The following XG variants were observed in gnomAD, a reference collection of about 807,000 sequenced individuals.
XG encodes Xg glycoprotein (Xg blood group), also known as glycoprotein Xg.
In XG, 24 loss-of-function variants were observed where a neutral mutation model predicts 25.7. The observed-to-expected ratio is 0.93, with a 90% confidence interval of 0.68 to 1.31. XG has a LOEUF of 1.31. Among genes scored for constraint, XG ranks in the 40% most tolerant of loss-of-function variants. XG has a pLI of 0.00. For synonymous variants in XG, 77 were observed against 69.2 expected (o/e 1.11, Z -0.56); for missense variants, 181 against 187.6 (o/e 0.96, Z 0.21).
chrX:2,753,199 C>G (rs1399560900), intron 1 of XG, among the ~76,000 whole-genome samples: 1 of 152,034 alleles, frequency 6.6e-6, no homozygotes, highest in African/African-American at 2.4e-5. Context: ...GAGGCGGTGT[C>G]GGGATGGATA....
chrX:2,767,594 C>G (rs191340786), intron 1 of XG, among the ~76,000 whole-genome samples: 44 of 152,278 alleles, frequency 2.9e-4, no homozygotes, highest in Middle Eastern at 3.4e-3. Context: ...ATGTGCAACC[C>G]GACCTTGGAG....
intron 3 of XG, among the ~76,000 whole-genome samples, chrX:2,780,366 A>G (rs1174374445): frequency 6.7e-6 from 1 of 149,584 alleles, no homozygotes; most frequent in African/African-American, 2.5e-5. Flanking sequence ...TTGAAAGCCA[A>G]TTTAAGCCAC....
chrX:2,770,447 G>T, intron 1 of XG, 103 bp from the exon 2 acceptor site: 2 of 1,381,434 alleles, frequency 1.4e-6, no homozygotes, highest in African/African-American at 1.4e-5. Context: ...TGCTCTGGGC[G>T]ACCCTAGGCT....
At chrX:2,809,512 A>G (rs917864738) in intron 9 of XG, among the ~76,000 whole-genome samples, 3 of 112,182 alleles carry the variant, frequency 2.7e-5, no homozygotes, top group Non-Finnish European at 5.6e-5. Context: ...ATGACAATTG[A>G]TTGTACTTGA....
intron 1 of XG, among the ~76,000 whole-genome samples, chrX:2,769,729 T>C (rs2050772211): frequency 6.6e-6 from 1 of 152,200 alleles, no homozygotes; most frequent in Non-Finnish European, 1.5e-5. Context: ...TGTTCTCTTC[T>C]CTCTGCTGCA....
chrX:2,780,175 G>A (rs935898064), intron 3 of XG, among the ~76,000 whole-genome samples: 3 of 151,352 alleles, frequency 2.0e-5, no homozygotes, highest in African/African-American at 4.9e-5. Flanking sequence ...CAAAACAGAC[G>A]GATGGTGAAA....
chrX:2,779,962 A>G (rs2051082940), intron 3 of XG, among the ~76,000 whole-genome samples: 1 of 152,226 alleles, frequency 6.6e-6, no homozygotes, highest in Admixed American at 6.6e-5. Context: ...TATACTTTAA[A>G]TTATCTCTAG....
intron 1 of XG, among the ~76,000 whole-genome samples, chrX:2,759,819 A>T (rs6655900): frequency 0.2 from 30,532 of 152,206 alleles, 5,226 homozygotes; most frequent in African/African-American, 0.47. Context: ...CAGACACGGC[A>T]AAGCTCCTGG....
intron 3 of XG, 51 bp downstream of exon 3, chrX:2,774,790 G>A: frequency 6.2e-7 from 1 of 1,608,558 alleles, no homozygotes; most frequent in South Asian, 1.1e-5. Flanking sequence ...TTGAACTGAT[G>A]CTTACGGAGG....
intron 1 of XG, among the ~76,000 whole-genome samples, chrX:2,764,612 G>A (rs189418922): frequency 6.6e-5 from 10 of 152,054 alleles, no homozygotes; most frequent in Non-Finnish European, 1.2e-4. Flanking sequence ...TTTCCCCTCT[G>A]TGGGCTTCCT....
At chrX:2,796,715 T>C (rs311183) in intron 6 of XG, among the ~76,000 whole-genome samples, 9,738 of 110,983 alleles carry the variant, frequency 0.088, 947 homozygotes, top group African/African-American at 0.29. Context: ...TTCTGGCCTG[T>C]TTAGTTCTGC....
At chrX:2,764,407 C>A (rs768421127) in intron 1 of XG, among the ~76,000 whole-genome samples, 1 of 152,174 alleles carries the variant, frequency 6.6e-6, no homozygotes, top group Non-Finnish European at 1.5e-5. Context: ...GAACCCTGTC[C>A]TGGGGTCTGA....
chrX:2,787,727 T>C (rs2086797612), intron 4 of XG, among the ~76,000 whole-genome samples: 1 of 110,213 alleles, frequency 9.1e-6, no homozygotes, highest in African/African-American at 3.3e-5. Flanking sequence ...GCCAACATGG[T>C]GAAACCCTGT....
intron 1 of XG, among the ~76,000 whole-genome samples, chrX:2,755,057 C>T (rs123468): frequency 0.17 from 25,651 of 152,070 alleles, 2,467 homozygotes; most frequent in Non-Finnish European, 0.21. Flanking sequence ...GTGAGCATCC[C>T]GCTCTATCCC....
At chrX:2,759,768 G>A (rs892201789) in intron 1 of XG, among the ~76,000 whole-genome samples, 23 of 152,206 alleles carry the variant, frequency 1.5e-4, no homozygotes, top group African/African-American at 5.3e-4. Flanking sequence ...TGGCACACAG[G>A]GGGTAGAAAA....
At chrX:2,770,722 C>A in intron 2 of XG, 131 bp downstream of exon 2, 2 of 1,028,812 alleles carry the variant, frequency 1.9e-6, no homozygotes, top group Non-Finnish European at 3.0e-6. Flanking sequence ...CTGTTCTTTG[C>A]AGGAGATTGC....
intron 3 of XG, among the ~76,000 whole-genome samples, chrX:2,775,401 T>A (rs1345998575): frequency 2.6e-5 from 4 of 152,180 alleles, no homozygotes; most frequent in African/African-American, 9.7e-5. Context: ...TGTATATTTT[T>A]ATGAAGATGA....
chrX:2,809,942 C>G (rs1392971738), intron 9 of XG, among the ~76,000 whole-genome samples: 1 of 112,318 alleles, frequency 8.9e-6, no homozygotes, highest in Non-Finnish European at 1.9e-5. Context: ...ATTCTGTTGG[C>G]TAAAGCCTGG....
chrX:2,794,231 G>A (rs753878413), intron 5 of XG, among the ~76,000 whole-genome samples: 4 of 111,653 alleles, frequency 3.6e-5, no homozygotes, highest in Admixed American at 9.5e-5. Flanking sequence ...AGGCAGACAC[G>A]ACAGCCTGAG....
Sources: allele counts gnomAD v4.1 joint callset (sites outside exome capture counted in the v4.1 genomes callset), GRCh38; gene constraint gnomAD v4.1.1; transcripts MANE v1.5; gene names NCBI Gene and HGNC (gene_info 2026-07-23, HGNC 2026-07-21).